The following GSE1 variants were observed in gnomAD, a reference collection of about 807,000 sequenced individuals.
The protein encoded by GSE1 is Gse1 coiled-coil protein, also known as genetic suppressor element 1.
GSE1 carries 32 observed loss-of-function variants against 112.6 expected under a neutral mutation model. The observed-to-expected ratio is 0.28, with a 90% CI of 0.21 to 0.38. The LOEUF is 0.38. Among genes scored for constraint, GSE1 ranks in the 10% least tolerant of loss-of-function variants. GSE1 has a pLI of 1.00. For missense variants in GSE1, 2,348 were observed against 1,699.2 expected, an observed-to-expected ratio of 1.38 and a Z score of -6.71; for synonymous variants, 1,115 against 735.6, an observed-to-expected ratio of 1.52 and a Z score of -8.35.
At chr16:85,269,786 C>T (rs13338388) in intron 1 of GSE1, among the ~76,000 whole-genome samples, 72,158 of 148,482 alleles carry the variant, frequency 0.49, 20,706 homozygotes, top group African/African-American at 0.58. Context: ...TCTCTGGGCT[C>T]CTCCCCTGGG....
intron 2 of GSE1, among the ~76,000 whole-genome samples, chr16:85,364,739 C>T (rs1157229837): frequency 2.0e-5 from 3 of 152,316 alleles, no homozygotes; most frequent in African/African-American, 4.8e-5. Flanking sequence ...GCCCACTTCC[C>T]GTTGGCCTGG....
Position 85,408,152 on chromosome 16 carries a change from A to T in GSE1, c.2464+50509A>T, listed in dbSNP as rs77704197. On this transcript the variant is annotated intron_variant, in intron 2 of 2. Coordinates refer to the GSE1 transcript ENST00000637419. ...CCCCCTGGATAATCCTCACTGTTAC[A>T]CTCAGGGCCCCCCGGATAATCCTCA... Among the ~76,000 whole-genome samples, 6 of 26,958 alleles carry T rather than the reference A, an allele frequency of 2.2e-4. 2 individuals carry two copies. Among genetic ancestry groups the T allele is most frequent in the Admixed American group, 1.3e-3 (4 of 3,176 alleles). The allele number at this position is 26,958 out of a possible 152,430, so 17.7% of individuals were successfully genotyped here.
chr16:85,553,964 G>A (rs933335174), upstream of GSE1, among the ~76,000 whole-genome samples: 17 of 152,188 alleles, frequency 1.1e-4, no homozygotes, highest in Non-Finnish European at 2.4e-4. Context: ...GTGTGAGCGC[G>A]GTGCCCCGCC....
At position 85,665,122 on chromosome 16, in the gene GSE1, C is replaced by G. The variant is rs1308179881; in HGVS notation, c.2752C>G (p.Leu918Val). The G allele has an allele frequency of 2.5e-6, 4 of 1,595,150 alleles. No individual in the cohort carries two copies. In the East Asian group the frequency reaches 8.9e-5, roughly 36 times the overall value. The change falls in exon 12 of 16, where the codon CTG becomes GTG. Residue 918 changes from leucine (L) to valine (V), a missense_variant. By Grantham distance (32) the Leu-to-Val change is conservative. Transcript: ENST00000253458. ...NSPRDSPAVS[L>V]SEPATQQASL... ...TCCGAGGGACAGTCCTGCCGTCTCC[C>G]TGAGTGGTAAGGGAAGGATAGCCCC...
At chr16:85,662,142 A>G in intron 9 of GSE1, 1 of 177,368 alleles carries the variant, frequency 5.6e-6, no homozygotes, top group Non-Finnish European at 1.2e-5. Context: ...CTCCACATAC[A>G]GGGCCGCTGC....
intron 2 of GSE1, among the ~76,000 whole-genome samples, chr16:85,475,994 G>A (rs111530703): frequency 0.013 from 2,051 of 152,164 alleles, 14 homozygotes; most frequent in Non-Finnish European, 0.014. Flanking sequence ...GCAGTGACAC[G>A]ATCTTGGCTC....
chr16:85,599,953 A>G (rs538482767), intron 1 of GSE1, among the ~76,000 whole-genome samples: 25 of 152,264 alleles, frequency 1.6e-4, no homozygotes, highest in African/African-American at 6.0e-4. Context: ...TTCCTCTCTA[A>G]AATGGGAGGG....
At chr16:85,531,093 C>T (rs1398168903) in intron 2 of GSE1, among the ~76,000 whole-genome samples, 3 of 152,218 alleles carry the variant, frequency 2.0e-5, no homozygotes, top group African/African-American at 7.2e-5. Flanking sequence ...GTTCGGTTGC[C>T]CGGATTCAGA....
chr16:85,534,345 C>T (rs28634711), intron 2 of GSE1, among the ~76,000 whole-genome samples: 6,135 of 152,206 alleles, frequency 0.04, 374 homozygotes, highest in African/African-American at 0.13. Context: ...TGGTCTTGAA[C>T]TCCTGACCTC....
At chr16:85,548,288 C>A (rs2044776614) in intron 2 of GSE1, among the ~76,000 whole-genome samples, 1 of 147,528 alleles carries the variant, frequency 6.8e-6, no homozygotes, top group South Asian at 2.1e-4. Context: ...ATTATTCTAG[C>A]TATTTTGAAG....
At chr16:85,296,247 G>T (rs753422902) in intron 1 of GSE1, among the ~76,000 whole-genome samples, 6 of 152,128 alleles carry the variant, frequency 3.9e-5, no homozygotes, top group Non-Finnish European at 8.8e-5. Flanking sequence ...CACCTCCCAC[G>T]CACGGCTCAT....
intron 2 of GSE1, among the ~76,000 whole-genome samples, chr16:85,421,043 G>C (rs534866822): frequency 1.3e-5 from 2 of 152,348 alleles, no homozygotes; most frequent in South Asian, 4.1e-4. Flanking sequence ...TCATAACAGA[G>C]CCTACTGTTA....
At chr16:85,563,135 G>A (rs959299792) in intron 1 of GSE1, among the ~76,000 whole-genome samples, 3 of 152,050 alleles carry the variant, frequency 2.0e-5, no homozygotes, top group Non-Finnish European at 2.9e-5. Context: ...GGGAGTTCGG[G>A]GGTGAGGGAA....
At chr16:85,505,965 CAAA>C (rs75845915) in intron 2 of GSE1, among the ~76,000 whole-genome samples, 3 of 132,228 alleles carry the variant, frequency 2.3e-5, no homozygotes, top group South Asian at 2.5e-4. Flanking sequence ...ACCCTGTCTC[CAAA>C]AAAAAAAAAA....
chr16:85,655,017 C>G (rs372468999), intron 5 of GSE1, 26 bp downstream of exon 5: 20 of 1,410,324 alleles, frequency 1.4e-5, no homozygotes, highest in Non-Finnish European at 1.9e-5. Flanking sequence ...CGCGCCCTCT[C>G]GTCTAGGTGC....
intron 1 of GSE1, among the ~76,000 whole-genome samples, chr16:85,319,607 G>C (rs2046057680): frequency 6.6e-6 from 1 of 152,226 alleles, no homozygotes; most frequent in African/African-American, 2.4e-5. Context: ...TCACAGATGA[G>C]CATATTGAGG....
At chr16:85,353,391 G>C (rs907625408) in intron 1 of GSE1, among the ~76,000 whole-genome samples, 1 of 152,208 alleles carries the variant, frequency 6.6e-6, no homozygotes, top group African/African-American at 2.4e-5. Flanking sequence ...CTGGGTTGCA[G>C]GGTAACCCTA....
chr16:85,368,714 A>C (rs1015481350), intron 2 of GSE1, among the ~76,000 whole-genome samples: 1 of 152,154 alleles, frequency 6.6e-6, no homozygotes, highest in African/African-American at 2.4e-5. Context: ...CTAAAAAACT[A>C]AACTAAACTA....
Position 85,673,953 on chromosome 16 carries a change from A to AACTT in GSE1, c.*1418_*1421dup, listed in dbSNP as rs765405582. On this transcript the variant is annotated 3_prime_UTR_variant, in exon 16 of 16. Transcript: ENST00000253458. ...GTCTGAGCTGAACCCCTCCTTTTTG[A>AACTT]ACTTACTGTGACAAGCACAGGAACG... 1.1e-4 allele frequency: 16 copies of AACTT among 152,344 alleles called. No individual in the cohort carries two copies. The highest frequency in any genetic ancestry group is 8.3e-4 in the South Asian group (4 of 4,828). 9.4% of individuals were successfully genotyped at this position (152,344 alleles called of 1,614,324 possible).
Sources: gnomAD v4.1 joint callset for allele counts (sites outside exome capture counted in the v4.1 genomes callset) on GRCh38, gnomAD v4.1.1 for gene constraint, MANE v1.5 for transcripts, NCBI Gene and HGNC (gene_info 2026-07-23, HGNC 2026-07-21) for gene names.